S100A14: variants seen among roughly 807,000 people sequenced by gnomAD.
The protein encoded by S100A14 is protein S100-A14.
A neutral mutation model predicts 10.6 loss-of-function variants in S100A14; 6 were observed. The observed-to-expected ratio is 0.57, with a 90% CI of 0.31 to 1.12. S100A14 has a LOEUF of 1.12. Among genes scored for constraint, S100A14 ranks in the 50% most tolerant of loss-of-function variants. The pLI, the probability that S100A14 is intolerant of heterozygous loss-of-function variation, is 0.06. For missense variants in S100A14, 121 were observed against 128.7 expected (o/e 0.94, Z 0.29); for synonymous variants, 51 against 51.0 (o/e 1.00, Z 0.00).
At chr1:153,615,685 C>T (rs1666948256) in intron 2 of S100A14, 144 bp downstream of exon 2, 1 of 843,668 alleles carries the variant, frequency 1.2e-6, no homozygotes, top group East Asian at 2.7e-5. Flanking sequence ...GTGTGGGCCT[C>T]AGAAGAGGGT....
intron 3 of S100A14, 47 bp from the exon 4 acceptor site, chr1:153,615,069 A>G (rs200162515): frequency 1.7e-5 from 28 of 1,604,428 alleles, no homozygotes; most frequent in South Asian, 3.4e-5. Flanking sequence ...GCACCTTCCA[A>G]TCTTCCCACC....
Position 153,614,990 on chromosome 1 carries a change from G to C in S100A14, c.210C>G (p.Asn70Lys), listed in dbSNP as rs762942514. The change falls in exon 4 of 4, where the codon AAC becomes AAG. Residue 70 changes from asparagine (N) to lysine (K), a missense_variant. Transcript: ENST00000344616. ...GTTTAGAGTCATTGCAGCTGCCCAG[G>C]TTGGCAATTTTCTCTTCCAGGCCAC... ...SNCGLEEKIANLGSCNDSKLE... is the reference protein window; with the variant it reads ...SNCGLEEKIAKLGSCNDSKLE... The C allele has an allele frequency of 8.1e-6, 13 of 1,613,992 alleles. No homozygotes were observed. The highest frequency in any genetic ancestry group is 1.1e-5 in the Non-Finnish European group (13 of 1,179,998).
At chr1:153,616,164 TC>T in intron 1 of S100A14, 130 bp downstream of exon 1, 1 of 308,776 alleles carries the variant, frequency 3.2e-6, no homozygotes, top group Non-Finnish European at 6.3e-6. Flanking sequence ...TCTTTCCACC[TC>T]CTCCAACCAC....
intron 1 of S100A14, 30 bp from the exon 2 acceptor site, chr1:153,615,966 G>A (rs996265802): frequency 4.7e-5 from 50 of 1,062,836 alleles, no homozygotes; most frequent in Non-Finnish European, 6.6e-5. Flanking sequence ...GGCCTGAGCT[G>A]AGGAGAGAGT....
Position 153,615,341 on chromosome 1 carries a change from G to A in S100A14, c.71C>T (p.Thr24Ile). 1 of 1,613,912 alleles carries A rather than the reference G, an allele frequency of 6.2e-7. No homozygotes were observed. The highest frequency in any genetic ancestry group is 8.5e-7 in the Non-Finnish European group (1 of 1,179,976). ...GTACTGGTGAAAGTTCTTGATGAGGGTCTCAATGGCCCTCTCCACATCACT... is the reference window on the plus strand; with the variant it reads ...GTACTGGTGAAAGTTCTTGATGAGGATCTCAATGGCCCTCTCCACATCACT... ...EFSDVERAIE[T>I]LIKNFHQYSV... The change falls in exon 3 of 4, where the codon ACC becomes ATC. Residue 24 changes from threonine to isoleucine, a missense_variant. By Grantham distance (89) the Thr-to-Ile change is moderately conservative (BLOSUM62 -1). Transcript: ENST00000344616.
rs769532150 is a variant in S100A14 at position 153,615,884 on chromosome 1, G to A, written c.-26C>T. The A allele has an allele frequency of 1.2e-6, 2 of 1,613,504 alleles. No homozygotes were observed. Among genetic ancestry groups the A allele is most frequent in the Non-Finnish European group, 1.7e-6 (2 of 1,179,482 alleles). Reference sequence around the variant, plus strand: ...GGTGCCCACTGTGTCTGGTCCTTTGGTGAGAGTTCTGTTGTCCTATAGCTG... The same window carrying A: ...GGTGCCCACTGTGTCTGGTCCTTTGATGAGAGTTCTGTTGTCCTATAGCTG... On this transcript the variant is annotated 5_prime_UTR_variant, in exon 2 of 4. Coordinates refer to ENST00000344616, the MANE Select transcript of S100A14 (RefSeq NM_020672.3).
chr1:153,615,961 G>T, intron 1 of S100A14, 25 bp from the exon 2 acceptor site: 1 of 1,083,294 alleles, frequency 9.2e-7, no homozygotes, highest in East Asian at 2.4e-5. Flanking sequence ...GGGTAGGCCT[G>T]AGCTGAGGAG....
In S100A14 at chr1:153,615,335, A is replaced by T. The variant is rs776265649; in HGVS notation, c.77T>A (p.Ile26Asn). Residue 26 changes from isoleucine to asparagine, a missense_variant, in exon 3 of 4, where the codon ATC becomes AAC. By Grantham distance (149) the Ile-to-Asn change is moderately radical. Transcript: ENST00000344616. ...CACGGAGTACTGGTGAAAGTTCTTGATGAGGGTCTCAATGGCCCTCTCCAC... is the reference window on the plus strand; with the variant it reads ...CACGGAGTACTGGTGAAAGTTCTTGTTGAGGGTCTCAATGGCCCTCTCCAC... ...SDVERAIETLIKNFHQYSVEG... is the reference protein window; with the variant it reads ...SDVERAIETLNKNFHQYSVEG... The T allele has an allele frequency of 4.3e-6, 7 of 1,609,980 alleles. No homozygotes were observed. The highest frequency in any genetic ancestry group is 5.9e-6 in the Non-Finnish European group (7 of 1,176,580).
chr1:153,615,769 G>C, intron 2 of S100A14, 60 bp downstream of exon 2: 1 of 1,574,240 alleles, frequency 6.4e-7, no homozygotes. Flanking sequence ...GGGGGACATA[G>C]ACCCTCAGGG....
In S100A14 at chr1:153,615,859, G is replaced by A; in HGVS notation, c.-1C>T. On this transcript the variant is annotated 5_prime_UTR_variant, in exon 2 of 4. Coordinates refer to ENST00000344616, the MANE Select transcript of S100A14 (RefSeq NM_020672.3). ...CGTTGGCTGACCGACACTGTCCCAT[G>A]GTGCCCACTGTGTCTGGTCCTTTGG... The A allele has an allele frequency of 6.2e-7, 1 of 1,613,988 alleles. No homozygotes were observed. Among genetic ancestry groups the A allele is most frequent in the Non-Finnish European group, 8.5e-7 (1 of 1,179,898 alleles).
rs1666916589 is a variant in S100A14, at chr1:153,614,582, GC to G, written c.*302del. ...TCCATTATTCAAATCATTTCCCATA[GC>G]CCAGCTCCTCTCTGTTCTCCCCCTA... On this transcript the variant is annotated 3_prime_UTR_variant, in exon 4 of 4. Transcript: ENST00000344616. 6.6e-6 allele frequency: 2 copies of G among 304,672 alleles called. No individual in the cohort carries two copies. The highest frequency in any genetic ancestry group is 1.2e-4 in the East Asian group (2 of 16,822). 18.9% of individuals were successfully genotyped at this position (304,672 alleles called of 1,614,324 possible).
chr1:153,614,978 G>A lies in S100A14; in HGVS notation c.222C>T (p.Cys74=). The A allele has an allele frequency of 6.2e-7, 1 of 1,614,000 alleles. No individual in the cohort carries two copies. The highest frequency in any genetic ancestry group is 8.5e-7 in the Non-Finnish European group (1 of 1,180,008). The part of the protein sequence containing the change: ...LEEKIANLGS[C]NDSKLEFRSF... ...TCCTGAACTCCAGTTTAGAGTCATT[G>A]CAGCTGCCCAGGTTGGCAATTTTCT... The change falls in exon 4 of 4, where the codon TGC becomes TGT. Residue 74 remains cysteine, a synonymous_variant. Coordinates refer to ENST00000344616, the MANE Select transcript of S100A14 (RefSeq NM_020672.3).
intron 3 of S100A14, 45 bp downstream of exon 3, chr1:153,615,190 G>A (rs1380048479): frequency 2.5e-6 from 4 of 1,608,448 alleles, no homozygotes; most frequent in East Asian, 2.2e-5. Flanking sequence ...GCACTTGCTT[G>A]GGAAGTCAGG....
chr1:153,615,813 G>A lies in S100A14; in HGVS notation c.30+16C>T, dbSNP rs1243007913. On this transcript the variant is annotated intron_variant, in intron 2 of 3. Coordinates refer to ENST00000344616, the MANE Select transcript of S100A14 (RefSeq NM_020672.3). ...AGGAGTGTGGGAGCAGAAAGGCCAG[G>A]AGTGAATGAGCCCACCTCTGCGTTG... The A allele has an allele frequency of 1.2e-6, 2 of 1,613,774 alleles. No homozygotes were observed. The highest frequency in any genetic ancestry group is 2.2e-5 in the South Asian group (2 of 91,070).
chr1:153,615,300 T>A lies in S100A14; in HGVS notation c.112A>T (p.Lys38Ter). ...NFHQYSVEGG[K>*]ETLTPSELRD... Reference sequence around the variant, plus strand: ...AGCTCAGAAGGGGTCAGCGTCTCCTTCCCACCCTCCACGGAGTACTGGTGA... The same window carrying A: ...AGCTCAGAAGGGGTCAGCGTCTCCTACCCACCCTCCACGGAGTACTGGTGA... The change falls in exon 3 of 4, where the codon AAG (lysine) becomes TAG (stop). Residue 38 changes from lysine (K) to a stop codon, truncating the protein, a stop_gained. Transcript: ENST00000344616. LOFTEE classifies it high-confidence loss of function. The A allele has an allele frequency of 6.2e-7, 1 of 1,613,916 alleles. No individual in the cohort carries two copies. The highest frequency in any genetic ancestry group is 8.5e-7 in the Non-Finnish European group (1 of 1,179,960).
rs373302017 is a variant in S100A14, at chr1:153,615,957, G to A, written c.-78-21C>T. ...ATGATCTGCTTAGAGGAGGGGGTAG[G>A]CCTGAGCTGAGGAGAGAGTCTAGCA... On this transcript the variant is annotated intron_variant, in intron 1 of 3. Coordinates refer to ENST00000344616, the MANE Select transcript of S100A14 (RefSeq NM_020672.3). 16 of 1,200,446 alleles carry A rather than the reference G, an allele frequency of 1.3e-5. No homozygotes were observed. In the African/African-American group the frequency reaches 2.2e-4, roughly 17 times the overall value. 74.4% of individuals were successfully genotyped at this position (1,200,446 alleles called of 1,614,324 possible).
In S100A14 at chr1:153,615,933, T is replaced by C; in HGVS notation, c.-75A>G. On this transcript the variant is annotated 5_prime_UTR_variant, in exon 2 of 4. An upstream start codon of the reference 5' UTR is lost. Coordinates refer to ENST00000344616, the MANE Select transcript of S100A14 (RefSeq NM_020672.3). The stretch of plus-strand genomic sequence containing the variant: ...TGGCCCCAGAGGAGCTGATGGCTCA[T>C]GATCTGCTTAGAGGAGGGGGTAGGC... The C allele has an allele frequency of 1.4e-6, 2 of 1,480,480 alleles. No homozygotes were observed. Among genetic ancestry groups the C allele is most frequent in the Admixed American group, 3.4e-5 (2 of 59,584 alleles). 91.7% of individuals were successfully genotyped at this position (1,480,480 alleles called of 1,614,324 possible). A position where few individuals can be genotyped will look rare whatever the true frequency, so the allele number is the denominator to read the frequency against.
intron 3 of S100A14, 102 bp downstream of exon 3, chr1:153,615,133 G>T: frequency 3.2e-6 from 5 of 1,583,880 alleles, no homozygotes; most frequent in Non-Finnish European, 4.3e-6. Context: ...CACTGGCAAG[G>T]GGGAAGAGCT....
rs763705549 is a variant in S100A14, at chr1:153,615,244, A to T, written c.168T>A (p.His56Gln). 18 of 1,613,668 alleles carry T rather than the reference A, an allele frequency of 1.1e-5. No homozygotes were observed. In the Admixed American group the frequency reaches 2.7e-4, roughly 24 times the overall value. The change falls in exon 3 of 4, where the codon CAT (histidine) becomes CAA (glutamine). Residue 56 changes from histidine (H) to glutamine (Q), a missense_variant. His to Gln is a conservative substitution (Grantham distance 24). Transcript: ENST00000344616. ...LRDLVTQQLP[H>Q]LMPSNCGLEE... ...TGTGCTCCGTCCATACCGGCATGAG[A>T]TGGGGCAGCTGCTGGGTGACCAGGT...
Sources: allele counts gnomAD v4.1 joint callset, GRCh38; gene constraint gnomAD v4.1.1; transcripts MANE v1.5; gene names NCBI Gene and HGNC (gene_info 2026-07-23, HGNC 2026-07-21).